MTO1: variants seen among roughly 807,000 people sequenced by gnomAD.
MTO1 encodes the protein mitochondrial tRNA translation optimization 1, also known as 5-taurinomethyluridine-[tRNA] synthase subunit MTO1, mitochondrial.
MTO1 carries 46 observed loss-of-function variants against 71.6 expected under a neutral mutation model. The ratio of observed to expected loss-of-function variants is 0.64; its 90% CI spans 0.51 to 0.82. MTO1 has a LOEUF of 0.82. Ranked by LOEUF, MTO1 falls within the 40% of genes least tolerant of loss-of-function variation. The pLI, the probability that MTO1 is intolerant of heterozygous loss-of-function variation, is 0.00. For synonymous variants in MTO1, 297 were observed against 312.1 expected (o/e 0.95, Z 0.51); for missense variants, 773 against 867.5 (o/e 0.89, Z 1.37).
chr6:73,497,881 T>C lies in MTO1; in HGVS notation c.1902T>C (p.Phe634=), dbSNP rs567020916. 4.0e-5 allele frequency: 64 copies of C among 1,612,374 alleles called. No homozygotes were observed. In the East Asian group the frequency reaches 8.5e-4, roughly 21 times the overall value. Residue 634 remains phenylalanine (F), a synonymous_variant, in exon 11 of 12, where the codon TTT becomes TTC. Coordinates refer to ENST00000498286, the MANE Select transcript of MTO1 (RefSeq NM_012123.4). ...ATGAAGTTCGAGAGAAACTACATTT[T>C]AGTCGTCCACAGACGGTAAGAAAAT... ...LSHEVREKLH[F]SRPQTIGAAS...
At chr6:73,491,816 C>G (rs1771815086) in intron 9 of MTO1, among the ~76,000 whole-genome samples, 1 of 152,162 alleles carries the variant, frequency 6.6e-6, no homozygotes, top group East Asian at 1.9e-4. Context: ...GCTCACTATA[C>G]TTAGAAATAA....
Position 73,480,672 on chromosome 6 carries a change from C to T in MTO1, c.1130-3C>T. The T allele has an allele frequency of 6.2e-7, 1 of 1,613,534 alleles. No individual in the cohort carries two copies. ...TTATTTAATGTCTTTGTTCTTTGGT[C>T]AGGCTACGGTGTTCAGTATGATTAC... On this transcript the variant is annotated splice_region_variant and splice_polypyrimidine_tract_variant and intron_variant, in intron 6 of 11. Coordinates refer to ENST00000498286, the MANE Select transcript of MTO1 (RefSeq NM_012123.4).
rs553579228 is a variant in MTO1 at position 73,488,711 on chromosome 6, C to T, written c.1638-3523C>T. Among the ~76,000 whole-genome samples, 12 of 151,038 alleles carry T rather than the reference C, an allele frequency of 7.9e-5. No homozygotes were observed. In the South Asian group the frequency reaches 1.3e-3, roughly 16 times the overall value. ...ATTACCTGAGGTCAGGAGTTCAAGA[C>T]GAGCCTGGCCAGTGTGGCAAAACCC... is the stretch of plus-strand genomic sequence containing the variant. On this transcript the variant is annotated intron_variant, in intron 9 of 11. Coordinates refer to ENST00000498286, the MANE Select transcript of MTO1 (RefSeq NM_012123.4).
intron 10 of MTO1, chr6:73,492,839 C>T (rs1771854777): frequency 6.6e-6 from 1 of 150,516 alleles, no homozygotes; most frequent in South Asian, 2.1e-4. Flanking sequence ...AAAGGAAATA[C>T]AGACCCTCAG....
rs1367051452 is a variant in MTO1, at chr6:73,500,874, CAG to C, written c.*141_*142del. On this transcript the variant is annotated 3_prime_UTR_variant, in exon 12 of 12. Transcript: ENST00000498286. Reference sequence around the variant, plus strand: ...GTTTGCCATTAATTTCTGAGTGGGACAGAAATTATAATTGTGCTTTTTCGTGT... The same window carrying C: ...GTTTGCCATTAATTTCTGAGTGGGACAAATTATAATTGTGCTTTTTCGTGT... The C allele has an allele frequency of 5.9e-6, 4 of 677,596 alleles. No individual in the cohort carries two copies. The highest frequency in any genetic ancestry group is 5.6e-5 in the African/African-American group (3 of 53,512). 42.0% of individuals were successfully genotyped at this position (677,596 alleles called of 1,614,324 possible). A position where few individuals can be genotyped will look rare whatever the true frequency, so the allele number is the denominator to read the frequency against.
At chr6:73,492,806 T>TA (rs35521867) in intron 10 of MTO1, 92,034 of 141,650 alleles carry the variant, frequency 0.65, 29,998 homozygotes, top group South Asian at 0.73. Context: ...AGATGACATC[T>TA]AAAAAAAAAA....
At chr6:73,495,405 T>A (rs1329090165) in intron 10 of MTO1, among the ~76,000 whole-genome samples, 5 of 152,162 alleles carry the variant, frequency 3.3e-5, no homozygotes, top group African/African-American at 1.2e-4. Flanking sequence ...AGTTTAACTT[T>A]GTTCAATAAA....
In MTO1 at chr6:73,468,428, T is replaced by C. The variant is rs191954818; in HGVS notation, c.535+1822T>C. Among the ~76,000 whole-genome samples the C allele has an allele frequency of 2.5e-4, 38 of 152,186 alleles. 1 individual carries two copies. In the East Asian group the frequency reaches 7.3e-3, roughly 29 times the overall value. On this transcript the variant is annotated intron_variant, in intron 3 of 11. Transcript: ENST00000498286. ...GCACTGTGCCCAGCCTATTAACTTA[T>C]TATTATGGTAATTCTCTTTAATGTC...
At chr6:73,479,624 C>T (rs1413438842) in intron 4 of MTO1, 108 bp from the exon 5 acceptor site, 10 of 772,072 alleles carry the variant, frequency 1.3e-5, no homozygotes, top group Non-Finnish European at 2.1e-5. Flanking sequence ...GCATTATGCA[C>T]AAGTTTAGTG....
chr6:73,475,205 C>T (rs1157312789), intron 4 of MTO1, among the ~76,000 whole-genome samples: 16 of 151,880 alleles, frequency 1.1e-4, no homozygotes, highest in South Asian at 2.1e-4. Flanking sequence ...TCAAGCCATC[C>T]GCCCACCTCA....
chr6:73,493,354 ATGTGTGTGTGTGTGTGTG>A (rs144509962), intron 10 of MTO1, among the ~76,000 whole-genome samples: 17 of 139,458 alleles, frequency 1.2e-4, no homozygotes, highest in Admixed American at 5.2e-4. Context: ...ATGTGCATGT[ATGTGTGTGTGTGTGTGTG>A]TGTGTGTGTG....
chr6:73,485,778 G>A (rs1049959956), intron 9 of MTO1, among the ~76,000 whole-genome samples: 27 of 152,192 alleles, frequency 1.8e-4, no homozygotes, highest in African/African-American at 6.5e-4. Context: ...TCAATGCCCA[G>A]ACATATAAAG....
chr6:73,480,804 A>G lies in MTO1; in HGVS notation c.1259A>G (p.Gln420Arg), dbSNP rs754467660. ...ACTGGTTATGAGGAAGCTGCAGCTC[A>G]AGTAAGAAGTTAAGATATTAATGTA... ...GTTGYEEAAA[Q>R]GVIAGINASL... Residue 420 changes from glutamine (Q) to arginine (R), a missense_variant and splice_region_variant, in exon 7 of 12, where the codon CAA (glutamine) becomes CGA (arginine). Gln to Arg is a conservative substitution (Grantham distance 43, BLOSUM62 1). Transcript: ENST00000498286. 1.9e-6 allele frequency: 3 copies of G among 1,613,628 alleles called. No homozygotes were observed. The highest frequency in any genetic ancestry group is 3.3e-5 in the Admixed American group (2 of 59,922).
chr6:73,462,390 C>T (rs1770850990), intron 1 of MTO1: 4 of 417,788 alleles, frequency 9.6e-6, no homozygotes, highest in Non-Finnish European at 1.3e-5. Context: ...GCTGCGTTTA[C>T]CTTCTACTAT....
At position 73,497,774 on chromosome 6, in the gene MTO1, A is replaced by G. The variant is rs1772029824; in HGVS notation, c.1795A>G (p.Ile599Val). 6.2e-7 allele frequency: 1 copy of G among 1,613,944 alleles called. No homozygotes were observed. ...ESVLFHQLQE[I>V]KGVQQDEALQ... The stretch of plus-strand genomic sequence containing the variant: ...AGTGTTGTTCCATCAACTACAAGAA[A>G]TAAAGGGAGTTCAGCAAGATGAAGC... The change falls in exon 11 of 12, where the codon ATA becomes GTA. Residue 599 changes from isoleucine (I) to valine (V), a missense_variant. Ile to Val is a conservative substitution (Grantham distance 29, BLOSUM62 3). Transcript: ENST00000498286.
intron 1 of MTO1, chr6:73,464,298 C>T (rs1284260191): frequency 1.3e-5 from 2 of 152,162 alleles, no homozygotes; most frequent in East Asian, 3.8e-4. Context: ...TAATCTACCA[C>T]AGCTGTCATT....
chr6:73,461,841 A>C lies in MTO1; in HGVS notation c.-14A>C, dbSNP rs1269334470. The C allele has an allele frequency of 4.4e-6, 7 of 1,607,022 alleles. No homozygotes were observed. Among genetic ancestry groups the C allele is most frequent in the Non-Finnish European group, 5.1e-6 (6 of 1,174,100 alleles). On this transcript the variant is annotated 5_prime_UTR_variant, in exon 1 of 12. Coordinates refer to ENST00000498286, the MANE Select transcript of MTO1 (RefSeq NM_012123.4). ...TCGTGTCAGCTTCAAAGTCAGATAG[A>C]TTTTTCTCCCAGCATGTTCTACTTC...
intron 4 of MTO1, among the ~76,000 whole-genome samples, chr6:73,479,010 T>C (rs1417953743): frequency 1.3e-5 from 2 of 149,460 alleles, no homozygotes; most frequent in Admixed American, 6.7e-5. Flanking sequence ...TGCCTCAGCC[T>C]CCCGAGTAGC....
Position 73,507,249 on chromosome 6 carries a change from G to A in MTO1, c.*6514G>A, listed in dbSNP as rs1772314299. 1 of 152,206 alleles carries A rather than the reference G, an allele frequency of 6.6e-6. No individual in the cohort carries two copies. Among genetic ancestry groups the A allele is most frequent in the African/African-American group, 2.4e-5 (1 of 41,418 alleles). 9.4% of individuals were successfully genotyped at this position (152,206 alleles called of 1,614,324 possible). A position where few individuals can be genotyped will look rare whatever the true frequency, so the allele number is the denominator to read the frequency against. On this transcript the variant is annotated 3_prime_UTR_variant, in exon 12 of 12. Transcript: ENST00000498286. Reference sequence around the variant, plus strand: ...GAAGGCCAAAGTGGGAGGATCACTTGAGCCCAGGAGTTCAAGGCTGCAGTG... The same window carrying A: ...GAAGGCCAAAGTGGGAGGATCACTTAAGCCCAGGAGTTCAAGGCTGCAGTG...
Sources: allele counts gnomAD v4.1 joint callset (sites outside exome capture counted in the v4.1 genomes callset), GRCh38; gene constraint gnomAD v4.1.1; transcripts MANE v1.5; gene names NCBI Gene and HGNC (gene_info 2026-07-23, HGNC 2026-07-21).